Variants in RCC1 observed in about 807,000 individuals in gnomAD.
RCC1 encodes the protein regulator of chromosome condensation.
In RCC1, 11 loss-of-function variants were observed where a neutral mutation model predicts 44.4. That is an observed-to-expected ratio of 0.25 (90% CI 0.16 to 0.41). RCC1 has a LOEUF of 0.41. Ranked by LOEUF, RCC1 falls within the 10% of genes least tolerant of loss-of-function variation. RCC1 has a pLI of 1.00. For missense variants in RCC1, 386 were observed against 547.1 expected, an observed-to-expected ratio of 0.71 and a Z score of 2.94; for synonymous variants, 213 against 216.5, an observed-to-expected ratio of 0.98 and a Z score of 0.14.
chr1:28,531,762 G>C (rs372086135), intron 5 of RCC1, 41 bp from the exon 6 acceptor site: 48 of 1,460,326 alleles, frequency 3.3e-5, no homozygotes, highest in Middle Eastern at 4.0e-4. Flanking sequence ...CCTCGCTGTC[G>C]TCATCCTCTA....
chr1:28,525,761 G>T lies in RCC1; in HGVS notation c.-9-4097G>T, dbSNP rs190864377. On this transcript the variant is annotated intron_variant, in intron 4 of 12. Coordinates refer to ENST00000683442, the MANE Select transcript of RCC1 (RefSeq NM_001381865.2). The stretch of plus-strand genomic sequence containing the variant: ...GTTACTTTCCCATCTTTAGTATTTA[G>T]TTCTCCTTCCCCAGGATAATCAGCA... 3.9e-3 allele frequency among the ~76,000 whole-genome samples: 600 copies of T among 152,242 alleles called. 2 individuals are homozygous for T. Among genetic ancestry groups the T allele is most frequent in the Non-Finnish European group, 5.7e-3 (389 of 68,026 alleles).
intron 4 of RCC1, among the ~76,000 whole-genome samples, chr1:28,521,501 GAAAAAAA>G (rs71586849): frequency 5.3e-5 from 3 of 56,826 alleles, no homozygotes; most frequent in South Asian, 7.4e-4. Flanking sequence ...CTCCACCTCA[GAAAAAAA>G]AAAAAAAAAA....
At chr1:28,521,624 G>A (rs1029894878) in intron 4 of RCC1, among the ~76,000 whole-genome samples, 1 of 152,114 alleles carries the variant, frequency 6.6e-6, no homozygotes, top group Non-Finnish European at 1.5e-5. Context: ...GACTCAAAGA[G>A]CACTCAGGTG....
chr1:28,523,033 T>TC (rs1160084806), intron 4 of RCC1, among the ~76,000 whole-genome samples: 51 of 138,292 alleles, frequency 3.7e-4, no homozygotes, highest in Non-Finnish European at 7.0e-4. Flanking sequence ...ATTTCTTTTT[T>TC]TTTTTTTTTT....
chr1:28,531,602 A>C (rs1570214164), intron 5 of RCC1, among the ~76,000 whole-genome samples: 1 of 151,494 alleles, frequency 6.6e-6, no homozygotes, highest in African/African-American at 2.4e-5. Flanking sequence ...TAATGTGCTC[A>C]GTTCTTAATC....
At chr1:28,528,392 G>A (rs780721906) in intron 4 of RCC1, among the ~76,000 whole-genome samples, 6 of 152,136 alleles carry the variant, frequency 3.9e-5, no homozygotes, top group Non-Finnish European at 5.9e-5. Context: ...GGAGGCAGAG[G>A]TTGCATGAGC....
At chr1:28,523,271 G>A (rs1020045478) in intron 4 of RCC1, among the ~76,000 whole-genome samples, 20 of 151,928 alleles carry the variant, frequency 1.3e-4, no homozygotes, top group African/African-American at 4.3e-4. Flanking sequence ...CGCCCGCCTC[G>A]GCCTCCCAAA....
intron 6 of RCC1, 75 bp downstream of exon 6, chr1:28,532,065 G>T: frequency 1.0e-5 from 16 of 1,559,792 alleles, no homozygotes; most frequent in Non-Finnish European, 1.4e-5. Context: ...TTTGAACCAC[G>T]CATGTTCACT....
At chr1:28,525,562 G>A (rs1026752261) in intron 4 of RCC1, among the ~76,000 whole-genome samples, 1 of 152,194 alleles carries the variant, frequency 6.6e-6, no homozygotes, top group African/African-American at 2.4e-5. Context: ...CCCAAAGAAT[G>A]TGCACTTTTT....
intron 4 of RCC1, among the ~76,000 whole-genome samples, chr1:28,524,164 G>C (rs1406148098): frequency 6.6e-6 from 1 of 152,212 alleles, no homozygotes; most frequent in Admixed American, 6.5e-5. Flanking sequence ...AACTTTGCCT[G>C]CCTGACATCC....
chr1:28,534,639 C>A (rs1007457057), intron 7 of RCC1, among the ~76,000 whole-genome samples: 2 of 152,156 alleles, frequency 1.3e-5, no homozygotes, highest in African/African-American at 4.8e-5. Context: ...TGCCACCACG[C>A]CCAGCTAATT....
intron 4 of RCC1, among the ~76,000 whole-genome samples, chr1:28,523,830 T>G (rs1260729742): frequency 1.3e-5 from 2 of 152,174 alleles, no homozygotes; most frequent in Non-Finnish European, 2.9e-5. Flanking sequence ...CTTTTTTTGG[T>G]GGAGGGACAG....
chr1:28,515,707 A>G (rs755492425), intron 3 of RCC1, among the ~76,000 whole-genome samples: 6 of 151,584 alleles, frequency 4.0e-5, no homozygotes, highest in Non-Finnish European at 8.8e-5. Context: ...ACAGAATGAG[A>G]CTCCATCTCA....
At chr1:28,523,146 C>T (rs1410958593) in intron 4 of RCC1, among the ~76,000 whole-genome samples, 1 of 151,018 alleles carries the variant, frequency 6.6e-6, no homozygotes, top group Non-Finnish European at 1.5e-5. Flanking sequence ...ATTTTCCTGC[C>T]TCAGCCTCCC....
chr1:28,512,651 A>G (rs1012835314), intron 3 of RCC1, among the ~76,000 whole-genome samples: 6 of 152,130 alleles, frequency 3.9e-5, no homozygotes, highest in Admixed American at 3.3e-4. Flanking sequence ...AATTTCCTCC[A>G]GATACTGTTA....
At chr1:28,535,425 C>T (rs748474078) in intron 9 of RCC1, 45 bp downstream of exon 9, 1 of 1,608,898 alleles carries the variant, frequency 6.2e-7, no homozygotes, top group Admixed American at 1.7e-5. Context: ...GGCAGGCCAC[C>T]CCCACAGTGA....
chr1:28,538,126 G>T lies in RCC1; in HGVS notation c.*119G>T. 2.4e-6 allele frequency: 2 copies of T among 836,684 alleles called. No homozygotes were observed. Among genetic ancestry groups the T allele is most frequent in the Non-Finnish European group, 3.6e-6 (2 of 553,436 alleles). 51.8% of individuals were successfully genotyped at this position (836,684 alleles called of 1,614,324 possible). A position where few individuals can be genotyped will look rare whatever the true frequency, so the allele number is the denominator to read the frequency against. On this transcript the variant is annotated 3_prime_UTR_variant, in exon 13 of 13. Transcript: ENST00000683442. Reference sequence around the variant, plus strand: ...AGCCCTGAGCACTGTGTCAGTTCCTGCCTTTTCTCATCAGCAGAACAGAAT... The same window carrying T: ...AGCCCTGAGCACTGTGTCAGTTCCTTCCTTTTCTCATCAGCAGAACAGAAT...
rs910515666 is a variant in RCC1, at chr1:28,538,815, G to A, written c.*808G>A. ...ACAGCAATATTGAAAGGAGGTGGGG[G>A]ATTGAGGGAGGGACAGAGTGTTGGA... On this transcript the variant is annotated 3_prime_UTR_variant, in exon 13 of 13. Coordinates refer to ENST00000683442, the MANE Select transcript of RCC1 (RefSeq NM_001381865.2). The A allele has an allele frequency of 2.6e-5, 4 of 152,194 alleles. No homozygotes were observed. The highest frequency in any genetic ancestry group is 1.3e-4 in the Admixed American group (2 of 15,258). The allele number at this position is 152,194 out of a possible 1,614,324, so 9.4% of individuals were successfully genotyped here.
chr1:28,531,290 A>C (rs1381354031), intron 5 of RCC1, among the ~76,000 whole-genome samples: 1 of 133,668 alleles, frequency 7.5e-6, no homozygotes, highest in African/African-American at 2.8e-5. Context: ...TTTGAGATCA[A>C]GTATCACTCT....
Sources: gnomAD v4.1 joint callset for allele counts (sites outside exome capture counted in the v4.1 genomes callset) on GRCh38, gnomAD v4.1.1 for gene constraint, MANE v1.5 for transcripts, NCBI Gene and HGNC (gene_info 2026-07-23, HGNC 2026-07-21) for gene names.